Variants in DTD1 observed in about 807,000 individuals in gnomAD.
DTD1 encodes the protein D-tyrosyl-tRNA deacylase 1 homolog.
A neutral mutation model predicts 25.6 loss-of-function variants in DTD1; 13 were observed. The observed-to-expected ratio is 0.51, with a 90% CI of 0.33 to 0.81. The LOEUF is 0.81. Among genes scored for constraint, DTD1 ranks in the 30% least tolerant of loss-of-function variants. The probability of loss-of-function intolerance (pLI) is 0.02; values close to 1 mark genes in which losing one functional copy is unlikely to be tolerated. For synonymous variants in DTD1, 110 were observed against 103.6 expected (o/e 1.06, Z -0.37); for missense variants, 193 against 266.4 (o/e 0.72, Z 1.92).
At chr20:18,619,993 CTTCCA>C (rs2060726847) in intron 3 of DTD1, 1 of 151,830 alleles carries the variant, frequency 6.6e-6, no homozygotes, top group Non-Finnish European at 1.5e-5. Context: ...TTTTTAAAAA[CTTCCA>C]TTCACTGAAA....
intron 3 of DTD1, among the ~76,000 whole-genome samples, chr20:18,623,344 G>A (rs115093734): frequency 9.9e-5 from 15 of 151,594 alleles, no homozygotes; most frequent in African/African-American, 3.4e-4. Flanking sequence ...CTTAATCAGC[G>A]TTTTTAGTTT....
intron 4 of DTD1, 64 bp from the exon 5 acceptor site, chr20:18,744,036 G>C (rs144821496): frequency 2.0e-6 from 3 of 1,510,322 alleles, no homozygotes; most frequent in Non-Finnish European, 2.7e-6. Flanking sequence ...AGTCACTGGT[G>C]TGTGGGATAC....
intron 4 of DTD1, among the ~76,000 whole-genome samples, chr20:18,655,119 C>T (rs1013926183): frequency 4.6e-5 from 7 of 152,100 alleles, no homozygotes; most frequent in South Asian, 2.1e-4. Context: ...ATTTCAGTAA[C>T]AACAAAACAA....
chr20:18,687,540 AG>A (rs1229885929), intron 4 of DTD1, among the ~76,000 whole-genome samples: 1 of 152,246 alleles, frequency 6.6e-6, no homozygotes, highest in African/African-American at 2.4e-5. Flanking sequence ...ACATAAATAA[AG>A]GGTTTTCTTT....
intron 3 of DTD1, among the ~76,000 whole-genome samples, chr20:18,616,030 T>A (rs1033039966): frequency 6.6e-6 from 1 of 152,254 alleles, no homozygotes; most frequent in Non-Finnish European, 1.5e-5. Context: ...AAGCCTGTTC[T>A]ATATACTTTG....
intron 4 of DTD1, among the ~76,000 whole-genome samples, chr20:18,648,451 C>T (rs1394301710): frequency 1.3e-5 from 2 of 152,110 alleles, no homozygotes; most frequent in Non-Finnish European, 2.9e-5. Flanking sequence ...CAAGAGAGTG[C>T]CCAGTGCCTT....
chr20:18,687,587 T>A (rs771808732), intron 4 of DTD1, among the ~76,000 whole-genome samples: 21 of 152,132 alleles, frequency 1.4e-4, no homozygotes, highest in Non-Finnish European at 2.8e-4. Flanking sequence ...GAGATAAGGT[T>A]TCTGTCACCC....
intron 3 of DTD1, among the ~76,000 whole-genome samples, chr20:18,612,541 C>T (rs1475529092): frequency 2.0e-5 from 3 of 152,102 alleles, no homozygotes; most frequent in Non-Finnish European, 2.9e-5. Flanking sequence ...TCACTCAGCA[C>T]GTAAGTGGCA....
intron 3 of DTD1, among the ~76,000 whole-genome samples, chr20:18,596,624 A>T (rs1381458700): frequency 1.3e-5 from 2 of 152,224 alleles, no homozygotes; most frequent in African/African-American, 2.4e-5. Flanking sequence ...AATAAAAAGA[A>T]ATAGGTGAAA....
chr20:18,683,847 C>T (rs2061006530), intron 4 of DTD1, among the ~76,000 whole-genome samples: 1 of 152,206 alleles, frequency 6.6e-6, no homozygotes, highest in South Asian at 2.1e-4. Context: ...CAGGCAATGG[C>T]AGCAGGTTCC....
intron 4 of DTD1, among the ~76,000 whole-genome samples, chr20:18,730,990 T>A (rs1411330009): frequency 5.9e-5 from 9 of 152,210 alleles, no homozygotes; most frequent in Non-Finnish European, 1.3e-4. Flanking sequence ...CAGTCTTTTA[T>A]TCACCCAACA....
intron 4 of DTD1, among the ~76,000 whole-genome samples, chr20:18,676,189 A>G (rs2060973605): frequency 6.6e-6 from 1 of 152,156 alleles, no homozygotes; most frequent in Admixed American, 6.6e-5. Context: ...ATGCTGGGGT[A>G]GAGAATGCAG....
intron 4 of DTD1, chr20:18,632,358 A>G (rs565193619): frequency 1.0e-5 from 10 of 985,308 alleles, no homozygotes; most frequent in Non-Finnish European, 1.2e-5. Context: ...GACCCTGAAC[A>G]TTGCACTGCG....
intron 4 of DTD1, chr20:18,642,650 G>C (rs2060833802): frequency 1.3e-5 from 2 of 152,176 alleles, no homozygotes; most frequent in African/African-American, 4.8e-5. Context: ...AGAGAGATTT[G>C]GGACCCAAGT....
chr20:18,648,662 T>G (rs1298956480), intron 4 of DTD1, among the ~76,000 whole-genome samples: 1 of 152,116 alleles, frequency 6.6e-6, no homozygotes, highest in Non-Finnish European at 1.5e-5. Flanking sequence ...ATTTTCTATT[T>G]TAAGTCATTA....
chr20:18,607,400 A>G (rs1489214148), intron 3 of DTD1, among the ~76,000 whole-genome samples: 4 of 152,152 alleles, frequency 2.6e-5, no homozygotes, highest in Non-Finnish European at 5.9e-5. Context: ...ACTTCAAGTG[A>G]TCTACATGTC....
intron 4 of DTD1, among the ~76,000 whole-genome samples, chr20:18,655,444 T>A (rs368996800): frequency 6.6e-6 from 1 of 151,764 alleles, no homozygotes; most frequent in South Asian, 2.1e-4. Context: ...ATTATGGCAA[T>A]TTTTTTCTGA....
At chr20:18,672,401 C>T (rs574795923) in intron 4 of DTD1, among the ~76,000 whole-genome samples, 36 of 151,974 alleles carry the variant, frequency 2.4e-4, no homozygotes, top group Non-Finnish European at 4.9e-4. Flanking sequence ...GCTTGTTTCA[C>T]ATGCCATAGC....
At chr20:18,720,674 G>T (rs1377693182) in intron 4 of DTD1, among the ~76,000 whole-genome samples, 1 of 152,064 alleles carries the variant, frequency 6.6e-6, no homozygotes, top group Non-Finnish European at 1.5e-5. Context: ...GGGCCACATG[G>T]CAAAATCCCT....
Sources: gnomAD v4.1 joint callset for allele counts (sites outside exome capture counted in the v4.1 genomes callset) on GRCh38, gnomAD v4.1.1 for gene constraint, MANE v1.5 for transcripts, NCBI Gene and HGNC (gene_info 2026-07-23, HGNC 2026-07-21) for gene names.